KDM5B: variants seen among roughly 807,000 people sequenced by gnomAD.
KDM5B encodes the protein lysine demethylase 5B.
In KDM5B, 144 loss-of-function variants were observed where a neutral mutation model predicts 193.4. The ratio of observed to expected loss-of-function variants is 0.74; its 90% confidence interval spans 0.65 to 0.86. KDM5B has a LOEUF of 0.86. Among genes scored for constraint, KDM5B ranks in the 40% least tolerant of loss-of-function variants. The probability of loss-of-function intolerance (pLI) is 0.00; values close to 1 mark genes in which losing one functional copy is unlikely to be tolerated. For missense variants in KDM5B, 1,833 were observed against 1,886.9 expected (o/e 0.97, Z 0.53); for synonymous variants, 668 against 682.6 (o/e 0.98, Z 0.33).
chr1:202,745,942 C>T lies in KDM5B; in HGVS notation c.2239G>A (p.Ala747Thr), dbSNP rs1280018819. The change falls in exon 16 of 27, where the codon GCA becomes ACA. Residue 747 changes from alanine to threonine, a missense_variant. Physicochemically the swap from Ala to Thr is moderately conservative, Grantham distance 58. Transcript: ENST00000367265. ...TLDDLYPMMN[A>T]LKLRAESYNE... is the part of the protein sequence containing the mutation. ...TAAGATTCTGCTCGAAGCTTCAATG[C>T]ATTCATCATAGGGTAGAGATCATCC... The T allele has an allele frequency of 2.5e-6, 4 of 1,613,698 alleles. No homozygotes were observed. Among genetic ancestry groups the T allele is most frequent in the Admixed American group, 1.7e-5 (1 of 59,998 alleles).
intron 4 of KDM5B, among the ~76,000 whole-genome samples, chr1:202,767,671 C>T (rs954125670): frequency 6.6e-6 from 1 of 152,124 alleles, no homozygotes; most frequent in African/African-American, 2.4e-5. Flanking sequence ...TTACCAACCA[C>T]ATACATACAT....
chr1:202,798,781 G>A (rs1460519367), intron 1 of KDM5B, among the ~76,000 whole-genome samples: 1 of 152,090 alleles, frequency 6.6e-6, no homozygotes, highest in Non-Finnish European at 1.5e-5. Flanking sequence ...CAGCACTTTG[G>A]GAAGCTGAGG....
chr1:202,773,709 G>A (rs769176092), intron 3 of KDM5B, among the ~76,000 whole-genome samples: 2 of 151,248 alleles, frequency 1.3e-5, no homozygotes, highest in Non-Finnish European at 2.9e-5. Context: ...GAATCAAATG[G>A]GCCTGGTATT....
chr1:202,757,462 C>A (rs1656068433), intron 9 of KDM5B, among the ~76,000 whole-genome samples: 1 of 152,150 alleles, frequency 6.6e-6, no homozygotes, highest in Non-Finnish European at 1.5e-5. Flanking sequence ...AATGTCTATC[C>A]CTCAATGTCC....
At chr1:202,756,815 T>G (rs530638093) in intron 9 of KDM5B, among the ~76,000 whole-genome samples, 1 of 152,360 alleles carries the variant, frequency 6.6e-6, no homozygotes, top group East Asian at 1.9e-4. Flanking sequence ...GTTAGTTGTG[T>G]CTGAATGACG....
In KDM5B at chr1:202,728,874, T is replaced by C; in HGVS notation, c.*162A>G. ...AAAATTTTTTTAGTTGTTTTTTCTT[T>C]TCTTCAAAGAGTCCTGGAAAAATGA... On this transcript the variant is annotated 3_prime_UTR_variant, in exon 27 of 27. Transcript: ENST00000367265. 1.2e-6 allele frequency: 1 copy of C among 809,850 alleles called. No individual in the cohort carries two copies. The highest frequency in any genetic ancestry group is 1.9e-6 in the Non-Finnish European group (1 of 535,468). 50.2% of individuals were successfully genotyped at this position (809,850 alleles called of 1,614,324 possible). A position where few individuals can be genotyped will look rare whatever the true frequency, so the allele number is the denominator to read the frequency against.
At chr1:202,756,188 C>T (rs1036001187) in intron 10 of KDM5B, among the ~76,000 whole-genome samples, 170 bp downstream of exon 10, 1 of 152,222 alleles carries the variant, frequency 6.6e-6, no homozygotes, top group African/African-American at 2.4e-5. Context: ...ATGACCACAA[C>T]ATAGTGACAT....
intron 4 of KDM5B, among the ~76,000 whole-genome samples, chr1:202,771,296 A>G (rs1217659643): frequency 6.6e-6 from 1 of 152,020 alleles, no homozygotes. Context: ...CAATGGCACG[A>G]TCTCGGCTCA....
chr1:202,755,397 A>C lies in KDM5B; in HGVS notation c.1412T>G (p.Val471Gly). The part of the protein sequence containing the change: ...LNNMPVMEQS[V>G]LAHITADICG... Reference sequence around the variant, plus strand: ...TATATCAGCAGTAATATGTGCAAGGACAGACTGCTCCATCACTGGCATGTT... The same window carrying C: ...TATATCAGCAGTAATATGTGCAAGGCCAGACTGCTCCATCACTGGCATGTT... The change falls in exon 11 of 27, where the codon GTC becomes GGC. Residue 471 changes from valine to glycine, a missense_variant. Coordinates refer to ENST00000367265, the MANE Select transcript of KDM5B (RefSeq NM_006618.5). The C allele has an allele frequency of 6.2e-7, 1 of 1,613,962 alleles. No individual in the cohort carries two copies. Among genetic ancestry groups the C allele is most frequent in the Non-Finnish European group, 8.5e-7 (1 of 1,179,818 alleles).
At chr1:202,748,563 A>C (rs1013846431) in intron 14 of KDM5B, among the ~76,000 whole-genome samples, 8 of 152,106 alleles carry the variant, frequency 5.3e-5, no homozygotes, top group Non-Finnish European at 4.4e-5. Flanking sequence ...ACAAAAACCA[A>C]ATGTTTTAAA....
intron 14 of KDM5B, 97 bp from the exon 15 acceptor site, chr1:202,746,420 A>G: frequency 1.3e-6 from 1 of 777,378 alleles, no homozygotes; most frequent in Non-Finnish European, 1.9e-6. Flanking sequence ...AAAAAAAAAA[A>G]AAAGCTTTAC....
intron 9 of KDM5B, 116 bp from the exon 10 acceptor site, chr1:202,756,632 T>A (rs1168978788): frequency 2.8e-6 from 2 of 705,326 alleles, no homozygotes; most frequent in Non-Finnish European, 4.2e-6. Context: ...TCTATAATGT[T>A]CTATAATTGA....
Position 202,781,306 on chromosome 1 carries a change from A to G in KDM5B, c.205-4212T>C, listed in dbSNP as rs144948313. 9.1e-4 allele frequency among the ~76,000 whole-genome samples: 138 copies of G among 152,332 alleles called. 1 individual carries two copies. The East Asian group carries it at 0.017, about 19-fold the overall frequency. On this transcript the variant is annotated intron_variant, in intron 1 of 26. Coordinates refer to ENST00000367265, the MANE Select transcript of KDM5B (RefSeq NM_006618.5). ...CAGAGCACGAACCTAGCTCTAAAAT[A>G]AATACATAAATGAAATTTTGTTTTG...
At chr1:202,749,370 G>C (rs188445657) in intron 13 of KDM5B, among the ~76,000 whole-genome samples, 1 of 152,222 alleles carries the variant, frequency 6.6e-6, no homozygotes, top group Non-Finnish European at 1.5e-5. Flanking sequence ...AGCCTGTGCA[G>C]TATGGTGAAA....
chr1:202,801,267 T>TA (rs10712316), intron 1 of KDM5B, among the ~76,000 whole-genome samples: 16 of 150,334 alleles, frequency 1.1e-4, no homozygotes, highest in East Asian at 3.9e-4. Flanking sequence ...CTTAAATGCT[T>TA]AAAAAAAAAA....
At chr1:202,744,719 G>A (rs914364657) in intron 16 of KDM5B, among the ~76,000 whole-genome samples, 6 of 152,334 alleles carry the variant, frequency 3.9e-5, no homozygotes, top group East Asian at 3.9e-4. Context: ...TTAGTTCAAC[G>A]ATTGTGGAAG....
intron 4 of KDM5B, among the ~76,000 whole-genome samples, chr1:202,768,457 T>C (rs1463878889): frequency 6.6e-6 from 1 of 152,102 alleles, no homozygotes; most frequent in Non-Finnish European, 1.5e-5. Context: ...CCATAGAATC[T>C]CACTAATGAG....
intron 24 of KDM5B, among the ~76,000 whole-genome samples, chr1:202,731,529 T>C (rs1654883412): frequency 6.6e-6 from 1 of 152,186 alleles, no homozygotes; most frequent in South Asian, 2.1e-4. Context: ...TCCTAAGTAA[T>C]GAAGCAACAA....
intron 1 of KDM5B, among the ~76,000 whole-genome samples, chr1:202,787,130 C>T (rs1657445790): frequency 6.6e-6 from 1 of 152,156 alleles, no homozygotes; most frequent in Non-Finnish European, 1.5e-5. Flanking sequence ...AATTCTCCCA[C>T]CTCAGTCTCC....
Sources: gnomAD v4.1 joint callset for allele counts (sites outside exome capture counted in the v4.1 genomes callset) on GRCh38, gnomAD v4.1.1 for gene constraint, MANE v1.5 for transcripts, NCBI Gene and HGNC (gene_info 2026-07-23, HGNC 2026-07-21) for gene names.